Variants in NDUFAF2 observed in about 807,000 individuals in gnomAD.
The protein encoded by NDUFAF2 is NADH:ubiquinone oxidoreductase complex assembly factor 2.
NDUFAF2 carries 13 observed loss-of-function variants against 22.8 expected under a neutral mutation model. That is an observed-to-expected ratio of 0.57 (90% confidence interval 0.37 to 0.91). The LOEUF (loss-of-function observed/expected upper bound fraction) is 0.91. Among genes scored for constraint, NDUFAF2 ranks in the 40% least tolerant of loss-of-function variants. The pLI, the probability that NDUFAF2 is intolerant of heterozygous loss-of-function variation, is 0.01. For synonymous variants in NDUFAF2, 53 were observed against 64.2 expected, an observed-to-expected ratio of 0.83 and a Z score of 0.84; for missense variants, 162 against 195.2, an observed-to-expected ratio of 0.83 and a Z score of 1.01.
chr5:61,014,400 A>C (rs924458967), intron 1 of NDUFAF2, among the ~76,000 whole-genome samples: 1 of 152,140 alleles, frequency 6.6e-6, no homozygotes, highest in Non-Finnish European at 1.5e-5. Context: ...ATTTCACCCT[A>C]TATATACCTC....
chr5:61,094,282 T>C (rs866915748), intron 2 of NDUFAF2, among the ~76,000 whole-genome samples: 67 of 152,228 alleles, frequency 4.4e-4, no homozygotes, highest in African/African-American at 1.6e-3. Flanking sequence ...ATTCTGTTAT[T>C]AATACTTGTG....
intron 3 of NDUFAF2, among the ~76,000 whole-genome samples, chr5:61,146,841 T>C (rs1165212082): frequency 6.6e-6 from 1 of 152,218 alleles, no homozygotes; most frequent in East Asian, 1.9e-4. Context: ...TAAAACTCTC[T>C]CTTGCTTCAG....
At chr5:61,151,616 T>C (rs2111837237) in intron 3 of NDUFAF2, among the ~76,000 whole-genome samples, 1 of 151,950 alleles carries the variant, frequency 6.6e-6, no homozygotes, top group South Asian at 2.1e-4. Flanking sequence ...CCGTTTCTAC[T>C]AAAAATACAA....
intron 3 of NDUFAF2, among the ~76,000 whole-genome samples, chr5:61,119,559 T>C (rs1287931072): frequency 2.0e-5 from 3 of 152,216 alleles, no homozygotes; most frequent in African/African-American, 7.2e-5. Context: ...GGAAAGGATA[T>C]ATCCTGAGCT....
chr5:61,077,072 G>C (rs545641120), intron 2 of NDUFAF2, among the ~76,000 whole-genome samples: 91 of 152,332 alleles, frequency 6.0e-4, no homozygotes, highest in African/African-American at 2.1e-3. Context: ...GACATGCTAA[G>C]TTTGAGATGC....
chr5:60,967,784 A>T (rs573046548), intron 1 of NDUFAF2, among the ~76,000 whole-genome samples: 167 of 151,216 alleles, frequency 1.1e-3, no homozygotes, highest in African/African-American at 3.9e-3. Flanking sequence ...GCTTATCAGG[A>T]ATATTGGCAT....
chr5:60,974,428 T>G (rs762361226), intron 1 of NDUFAF2, among the ~76,000 whole-genome samples: 1 of 152,180 alleles, frequency 6.6e-6, no homozygotes, highest in Non-Finnish European at 1.5e-5. Flanking sequence ...ACAGTTGGCT[T>G]ATTGTGGGAC....
chr5:60,960,022 TCTTTATG>T (rs893188592), intron 1 of NDUFAF2, among the ~76,000 whole-genome samples: 9 of 152,146 alleles, frequency 5.9e-5, no homozygotes, highest in Non-Finnish European at 1.3e-4. Context: ...ACCTGTCAGT[TCTTTATG>T]CTTTATGCTT....
chr5:61,129,540 G>C (rs1349121978), intron 3 of NDUFAF2, among the ~76,000 whole-genome samples: 1 of 151,630 alleles, frequency 6.6e-6, no homozygotes, highest in Non-Finnish European at 1.5e-5. Context: ...ACTATTGCAA[G>C]GACAAAAAAC....
chr5:61,052,347 G>T (rs890846791), intron 1 of NDUFAF2, among the ~76,000 whole-genome samples: 2 of 152,040 alleles, frequency 1.3e-5, no homozygotes, highest in African/African-American at 4.8e-5. Context: ...GTCTTGCTCT[G>T]TCGCCCAGGC....
chr5:60,953,328 T>C (rs2112563701), intron 1 of NDUFAF2, among the ~76,000 whole-genome samples: 1 of 152,176 alleles, frequency 6.6e-6, no homozygotes, highest in Non-Finnish European at 1.5e-5. Flanking sequence ...ATCTTTAAAG[T>C]ACCAAAAGAG....
At chr5:61,068,509 C>T (rs965111808) in intron 1 of NDUFAF2, among the ~76,000 whole-genome samples, 9 of 151,976 alleles carry the variant, frequency 5.9e-5, no homozygotes, top group Admixed American at 4.6e-4. Flanking sequence ...TACATGCGCA[C>T]ATGTATATGT....
chr5:61,044,520 A>G (rs757137906), intron 1 of NDUFAF2, among the ~76,000 whole-genome samples: 4 of 152,094 alleles, frequency 2.6e-5, no homozygotes, highest in Non-Finnish European at 4.4e-5. Context: ...ACTTTTGTAT[A>G]TGGTGTGTAT....
rs529157148 is a variant in NDUFAF2, at chr5:61,085,731, A to T, written c.217+12517A>T. On this transcript the variant is annotated intron_variant, in intron 2 of 3. Coordinates refer to ENST00000296597, the MANE Select transcript of NDUFAF2 (RefSeq NM_174889.5). ...AATACCAAACAATTTCTAAGTAAAA[A>T]TTTAAATTATATTACTTCAAATACT... 2.0e-3 allele frequency among the ~76,000 whole-genome samples: 298 copies of T among 152,312 alleles called. 1 individual carries two copies. Among genetic ancestry groups the T allele is most frequent in the African/African-American group, 6.9e-3 (287 of 41,564 alleles).
At chr5:61,022,465 A>G (rs1751596150) in intron 1 of NDUFAF2, among the ~76,000 whole-genome samples, 1 of 152,210 alleles carries the variant, frequency 6.6e-6, no homozygotes, top group Non-Finnish European at 1.5e-5. Context: ...CTTGGATAAC[A>G]CTTATATTTC....
chr5:60,971,143 C>CA (rs1561530528), intron 1 of NDUFAF2, among the ~76,000 whole-genome samples: 5 of 96,006 alleles, frequency 5.2e-5, no homozygotes, highest in Non-Finnish European at 7.0e-5. Flanking sequence ...TTTCTTTTTT[C>CA]GTTTTTTTTT....
chr5:61,144,196 T>C (rs1741098328), intron 3 of NDUFAF2, among the ~76,000 whole-genome samples: 1 of 152,150 alleles, frequency 6.6e-6, no homozygotes, highest in East Asian at 1.9e-4. Context: ...ATCAGCATCA[T>C]ATATATGTAC....
chr5:60,976,178 TAAAG>T (rs139849213), intron 1 of NDUFAF2, among the ~76,000 whole-genome samples: 7,127 of 152,210 alleles, frequency 0.047, 552 homozygotes, highest in African/African-American at 0.16. Flanking sequence ...TCAAAAATAA[TAAAG>T]AACTTTTTAA....
intron 3 of NDUFAF2, among the ~76,000 whole-genome samples, chr5:61,109,334 T>C (rs1752806708): frequency 6.6e-6 from 1 of 152,216 alleles, no homozygotes; most frequent in Non-Finnish European, 1.5e-5. Flanking sequence ...GTTTATCAGT[T>C]CTAACAGTTT....
Sources: gnomAD v4.1 joint callset for allele counts (sites outside exome capture counted in the v4.1 genomes callset) on GRCh38, gnomAD v4.1.1 for gene constraint, MANE v1.5 for transcripts, NCBI Gene and HGNC (gene_info 2026-07-23, HGNC 2026-07-21) for gene names.